The following TRIQK variants were observed in gnomAD, a reference collection of about 807,000 sequenced individuals.
The protein encoded by TRIQK is triple QxxK/R motif containing.
A neutral mutation model predicts 10.8 loss-of-function variants in TRIQK; 10 were observed. That is an observed-to-expected ratio of 0.92 (90% CI 0.57 to 1.57). The LOEUF (loss-of-function observed/expected upper bound fraction) is 1.57, where lower values mean the gene tolerates loss of function less well. Among genes scored for constraint, TRIQK ranks in the 40% most tolerant of loss-of-function variants. The pLI is 0.00. For missense variants in TRIQK, 107 were observed against 97.7 expected (o/e 1.09, Z -0.40); for synonymous variants, 33 against 33.7 (o/e 0.98, Z 0.07).
chr8:92,904,054 T>TA (rs1809110107), intron 3 of TRIQK, among the ~76,000 whole-genome samples: 1 of 152,008 alleles, frequency 6.6e-6, no homozygotes, highest in African/African-American at 2.4e-5. Context: ...GGGTAGATGA[T>TA]AGAAGCAATT....
chr8:92,919,986 T>C (rs1586425358), intron 2 of TRIQK, among the ~76,000 whole-genome samples: 1 of 151,778 alleles, frequency 6.6e-6, no homozygotes, highest in African/African-American at 2.4e-5. Context: ...GTAATGTTTC[T>C]TTTTTGTTTC....
chr8:92,908,349 G>A (rs1809391137), intron 3 of TRIQK, among the ~76,000 whole-genome samples: 1 of 152,056 alleles, frequency 6.6e-6, no homozygotes, highest in Admixed American at 6.5e-5. Context: ...AAAAATTAAT[G>A]CACTGTTATT....
chr8:92,943,926 A>C (rs755558187), intron 2 of TRIQK, among the ~76,000 whole-genome samples: 4 of 152,202 alleles, frequency 2.6e-5, no homozygotes, highest in Non-Finnish European at 2.9e-5. Context: ...AATGGAAGAA[A>C]ATATTTGTAA....
At chr8:92,973,176 C>T (rs570495063) in intron 1 of TRIQK, 4 of 152,230 alleles carry the variant, frequency 2.6e-5, no homozygotes, top group African/African-American at 9.6e-5. Flanking sequence ...GAAATAAGAA[C>T]AATTTTGAGT....
At chr8:92,951,803 C>T (rs1344970890) in intron 2 of TRIQK, among the ~76,000 whole-genome samples, 2 of 152,010 alleles carry the variant, frequency 1.3e-5, no homozygotes, top group Non-Finnish European at 2.9e-5. Flanking sequence ...AAAGGAAAAC[C>T]CCCAACTCTA....
intron 1 of TRIQK, among the ~76,000 whole-genome samples, chr8:93,014,000 C>T (rs1813360211): frequency 6.6e-6 from 1 of 152,096 alleles, no homozygotes; most frequent in Admixed American, 6.5e-5. Flanking sequence ...TGTATGCTAA[C>T]AGCCAAATTG....
At chr8:93,011,001 T>C (rs76093323) in intron 1 of TRIQK, among the ~76,000 whole-genome samples, 4,228 of 152,224 alleles carry the variant, frequency 0.028, 83 homozygotes, top group South Asian at 0.049. Flanking sequence ...CTTTGAAGCA[T>C]GTCAGCTATG....
intron 3 of TRIQK, 127 bp from the exon 4 acceptor site, chr8:92,892,201 T>C (rs559519065): frequency 3.2e-6 from 2 of 617,752 alleles, no homozygotes; most frequent in South Asian, 4.6e-5. Flanking sequence ...TAGTTCCCAG[T>C]TGTGGTAACC....
At chr8:92,988,089 C>T (rs917030147) in intron 1 of TRIQK, among the ~76,000 whole-genome samples, 1 of 133,638 alleles carries the variant, frequency 7.5e-6, no homozygotes, top group African/African-American at 2.8e-5. Flanking sequence ...TCACTGCAAG[C>T]AAGCTCCGCC....
chr8:92,916,466 C>A (rs1056396853), intron 3 of TRIQK, among the ~76,000 whole-genome samples: 1 of 152,022 alleles, frequency 6.6e-6, no homozygotes, highest in African/African-American at 2.4e-5. Context: ...CTGGAGAATT[C>A]TCTTTCTTTT....
intron 1 of TRIQK, among the ~76,000 whole-genome samples, chr8:93,008,619 A>G (rs1402286229): frequency 6.6e-6 from 1 of 152,218 alleles, no homozygotes; most frequent in Admixed American, 6.5e-5. Flanking sequence ...ACAGCACAGT[A>G]CTGGCATAAA....
intron 2 of TRIQK, among the ~76,000 whole-genome samples, chr8:92,921,943 C>T (rs1470036849): frequency 1.3e-5 from 2 of 151,760 alleles, no homozygotes; most frequent in Admixed American, 6.6e-5. Context: ...AAAGCCATCT[C>T]CAACTTAATA....
chr8:92,989,395 T>A (rs571942797), intron 1 of TRIQK, among the ~76,000 whole-genome samples: 3 of 152,172 alleles, frequency 2.0e-5, no homozygotes, highest in Admixed American at 2.0e-4. Context: ...TGAGTGAAGC[T>A]TCATCTCTAT....
intron 3 of TRIQK, among the ~76,000 whole-genome samples, chr8:92,902,574 G>T (rs1007664302): frequency 6.6e-6 from 1 of 152,086 alleles, no homozygotes; most frequent in Non-Finnish European, 1.5e-5. Context: ...TTCTTATGAA[G>T]GTGCTTGTTT....
intron 3 of TRIQK, among the ~76,000 whole-genome samples, chr8:92,906,677 T>C (rs936868343): frequency 8.1e-6 from 1 of 123,914 alleles, no homozygotes; most frequent in East Asian, 2.3e-4. Flanking sequence ...CAAATCACAA[T>C]AGAATAAAGG....
intron 1 of TRIQK, among the ~76,000 whole-genome samples, chr8:93,003,601 A>G (rs1400450809): frequency 2.0e-5 from 3 of 152,080 alleles, no homozygotes; most frequent in African/African-American, 7.2e-5. Flanking sequence ...GGCCTTTCCA[A>G]CCGTCCCCCA....
At position 92,886,530 on chromosome 8, in the gene TRIQK, T is replaced by G. The variant is rs1352761011; in HGVS notation, c.*92A>C. ...AAACTGAAAATATTAGCAGAAAGAA[T>G]TAAAGATGTTACAGTTTCAGTATTG... On this transcript the variant is annotated 3_prime_UTR_variant, in exon 5 of 5. Transcript: ENST00000521988. 5.8e-6 allele frequency: 4 copies of G among 689,022 alleles called. No individual in the cohort carries two copies. The East Asian group carries it at 1.1e-4, about 19-fold the overall frequency. The allele number at this position is 689,022 out of a possible 1,614,324, so 42.7% of individuals were successfully genotyped here. A position where few individuals can be genotyped will look rare whatever the true frequency, so the allele number is the denominator to read the frequency against.
upstream of TRIQK, among the ~76,000 whole-genome samples, chr8:92,967,821 CA>C (rs34531122): frequency 0.058 from 4,806 of 82,218 alleles, 44 homozygotes; most frequent in Admixed American, 0.088. Flanking sequence ...GACTCCATCT[CA>C]AAAAAAAAAA....
intron 1 of TRIQK, among the ~76,000 whole-genome samples, chr8:92,963,220 C>T (rs146679961): frequency 6.6e-6 from 1 of 152,226 alleles, no homozygotes; most frequent in East Asian, 1.9e-4. Flanking sequence ...TACATTTATG[C>T]GTTTTACAAA....
Sources: gnomAD v4.1 joint callset for allele counts (sites outside exome capture counted in the v4.1 genomes callset) on GRCh38, gnomAD v4.1.1 for gene constraint, MANE v1.5 for transcripts, NCBI Gene and HGNC (gene_info 2026-07-23, HGNC 2026-07-21) for gene names.